The following LYRM4 variants were observed in gnomAD, a reference collection of about 807,000 sequenced individuals.
The protein encoded by LYRM4 is LYR motif-containing protein 4.
A neutral mutation model predicts 11.7 loss-of-function variants in LYRM4; 9 were observed. The ratio of observed to expected loss-of-function variants is 0.77; its 90% confidence interval spans 0.46 to 1.34. The LOEUF is 1.34. LYRM4 is among the 40% of genes most tolerant of loss of function. LYRM4 has a pLI of 0.00. For synonymous variants in LYRM4, 42 were observed against 40.4 expected (o/e 1.04, Z -0.15); for missense variants, 133 against 112.5 (o/e 1.18, Z -0.82).
At chr6:5,084,954 C>A in the LYRM4 span, 980 of 153,816 alleles carry the variant, frequency 6.4e-3, 6 homozygotes, top group Non-Finnish European at 0.01. Flanking sequence ...GCTCAGTGAC[C>A]CTCTGGGGGC....
the LYRM4 span, among the ~76,000 whole-genome samples, chr6:5,090,594 A>T: frequency 6.6e-6 from 1 of 152,140 alleles, no homozygotes; most frequent in African/African-American, 2.4e-5. This position sits in a 1 kb window ranked among gnomAD's most constrained non-coding sequence, Gnocchi z 4.8. Flanking sequence ...CTGTAGGGGC[A>T]GGGGATTTTC....
the LYRM4 span, among the ~76,000 whole-genome samples, chr6:5,052,137 T>C: frequency 6.6e-6 from 1 of 152,156 alleles, no homozygotes; most frequent in Admixed American, 6.5e-5. Flanking sequence ...GTTCTTTAGG[T>C]TGAAATGAAA....
the LYRM4 span, among the ~76,000 whole-genome samples, chr6:5,061,686 C>G: frequency 6.6e-6 from 1 of 152,260 alleles, no homozygotes; most frequent in South Asian, 2.1e-4. Flanking sequence ...CCATTGAAAT[C>G]CCCAGAGACT....
intron 2 of LYRM4, among the ~76,000 whole-genome samples, chr6:5,119,648 G>C (rs1763317812): frequency 6.6e-6 from 1 of 151,830 alleles, no homozygotes; most frequent in South Asian, 2.1e-4. Flanking sequence ...AATTTAGCTG[G>C]ACGTGGTGGC....
the LYRM4 span, among the ~76,000 whole-genome samples, chr6:5,077,835 CA>C: frequency 6.6e-6 from 1 of 152,026 alleles, no homozygotes; most frequent in African/African-American, 2.4e-5. Context: ...TAAATAGAAG[CA>C]AAATTGAGTT....
At chr6:5,202,995 C>T (rs1390522599) in intron 2 of LYRM4, among the ~76,000 whole-genome samples, 1 of 152,120 alleles carries the variant, frequency 6.6e-6, no homozygotes, top group Non-Finnish European at 1.5e-5. Flanking sequence ...GAACGACATA[C>T]AACACTAATA....
At chr6:5,141,167 T>C (rs189727695) in intron 2 of LYRM4, among the ~76,000 whole-genome samples, 3 of 152,368 alleles carry the variant, frequency 2.0e-5, no homozygotes, top group African/African-American at 7.2e-5. Flanking sequence ...TGGCCCTTCA[T>C]AGGAATAATG....
the LYRM4 span, among the ~76,000 whole-genome samples, chr6:5,040,895 G>A: frequency 6.6e-6 from 1 of 151,952 alleles, no homozygotes; most frequent in South Asian, 2.1e-4. Flanking sequence ...AAAAAAAATG[G>A]TGCCTGATGG....
Position 5,170,482 on chromosome 6 carries a change from T to TTTTATTTA in LYRM4, c.207+46128_207+46135dup, listed in dbSNP as rs61679234. 3.6e-3 allele frequency among the ~76,000 whole-genome samples: 552 copies of TTTTATTTA among 151,352 alleles called. 4 individuals are homozygous for TTTTATTTA. The highest frequency in any genetic ancestry group is 0.014 in the Middle Eastern group (4 of 294). Reference sequence around the variant, plus strand: ...CAAAAGAGCTTTCTCACTTTATTTCTTTTATTTATTTATTTATTTATTTAT... The same window carrying TTTTATTTA: ...CAAAAGAGCTTTCTCACTTTATTTCTTTTATTTATTTATTTATTTATTTATTTATTTAT... On this transcript the variant is annotated intron_variant, in intron 2 of 2. Coordinates refer to ENST00000330636, the MANE Select transcript of LYRM4 (RefSeq NM_020408.6).
chr6:5,241,403 T>G (rs1763871799), intron 1 of LYRM4, among the ~76,000 whole-genome samples: 1 of 152,228 alleles, frequency 6.6e-6, no homozygotes, highest in Admixed American at 6.5e-5. Flanking sequence ...GGAGGAGAGA[T>G]CCCTAAGGCA....
At chr6:5,111,099 T>C (rs894691808) in intron 2 of LYRM4, among the ~76,000 whole-genome samples, 10 of 152,194 alleles carry the variant, frequency 6.6e-5, no homozygotes, top group African/African-American at 2.4e-4. Context: ...AGGATTGGCA[T>C]TGTCCTCCAC....
At chr6:5,259,979 TG>T (rs1764916369) in intron 1 of LYRM4, among the ~76,000 whole-genome samples, 1 of 151,898 alleles carries the variant, frequency 6.6e-6, no homozygotes, top group Non-Finnish European at 1.5e-5. Context: ...TGAGAAAAAG[TG>T]AATGTGTTAT....
the LYRM4 span, among the ~76,000 whole-genome samples, chr6:5,040,998 T>G: frequency 3.9e-5 from 6 of 152,230 alleles, no homozygotes; most frequent in African/African-American, 1.4e-4. Flanking sequence ...TTGAATAGCT[T>G]CTTAAGAAGT....
the LYRM4 span, among the ~76,000 whole-genome samples, chr6:5,055,649 G>A: frequency 6.6e-6 from 1 of 152,146 alleles, no homozygotes; most frequent in Non-Finnish European, 1.5e-5. This position sits in a 1 kb window ranked among gnomAD's most constrained non-coding sequence, Gnocchi z 4.5. Flanking sequence ...GGTATCTCCA[G>A]ACTGAATATA....
intron 2 of LYRM4, among the ~76,000 whole-genome samples, chr6:5,161,216 T>C (rs1038332011): frequency 6.6e-6 from 1 of 152,204 alleles, no homozygotes; most frequent in African/African-American, 2.4e-5. Context: ...AAAAACTATG[T>C]TAAGAATTAG....
the LYRM4 span, among the ~76,000 whole-genome samples, chr6:5,039,043 A>G: frequency 6.6e-6 from 1 of 152,180 alleles, no homozygotes; most frequent in Non-Finnish European, 1.5e-5. Flanking sequence ...AAAATTATTT[A>G]TGGCTAAAAT....
At chr6:5,207,864 C>G (rs1490721593) in intron 2 of LYRM4, among the ~76,000 whole-genome samples, 1 of 152,128 alleles carries the variant, frequency 6.6e-6, no homozygotes, top group East Asian at 1.9e-4. Flanking sequence ...AACAAGAGCT[C>G]TAAATGAACA....
chr6:5,258,497 T>C (rs77744968), intron 1 of LYRM4, among the ~76,000 whole-genome samples: 1,787 of 152,282 alleles, frequency 0.012, 14 homozygotes, highest in Middle Eastern at 0.02. Flanking sequence ...GAATTGATAG[T>C]GGATGTTGTG....
At chr6:5,119,943 C>T (rs1763346488) in intron 2 of LYRM4, among the ~76,000 whole-genome samples, 1 of 151,878 alleles carries the variant, frequency 6.6e-6, no homozygotes, top group Non-Finnish European at 1.5e-5. Context: ...CTCTGTCATC[C>T]AAGCTGGAGT....
Sources: allele counts gnomAD v4.1 joint callset (sites outside exome capture counted in the v4.1 genomes callset), GRCh38; gene constraint gnomAD v4.1.1; non-coding constraint Gnocchi (gnomAD v3.1); transcripts MANE v1.5; gene names NCBI Gene and HGNC (gene_info 2026-07-23, HGNC 2026-07-21).